Variants in FOXN3 observed in about 807,000 individuals in gnomAD.
The protein encoded by FOXN3 is forkhead box N3.
A neutral mutation model predicts 38.4 loss-of-function variants in FOXN3; 7 were observed. That is an observed-to-expected ratio of 0.18 (90% CI 0.10 to 0.34). FOXN3 has a LOEUF of 0.34. Among genes scored for constraint, FOXN3 ranks in the 10% least tolerant of loss-of-function variants. FOXN3 has a pLI of 1.00. For missense variants in FOXN3, 456 were observed against 613.4 expected, an observed-to-expected ratio of 0.74 and a Z score of 2.71; for synonymous variants, 230 against 242.2, an observed-to-expected ratio of 0.95 and a Z score of 0.47.
chr14:89,515,889 G>A (rs571217271), intron 1 of FOXN3, among the ~76,000 whole-genome samples: 7 of 152,258 alleles, frequency 4.6e-5, no homozygotes, highest in South Asian at 2.1e-4. Flanking sequence ...CCTTGGTGCC[G>A]GAGGAGCATG....
chr14:89,284,592 G>T, intron 3 of FOXN3: 1 of 456,002 alleles, frequency 2.2e-6, no homozygotes, highest in South Asian at 1.5e-5. Flanking sequence ...GCTAGAAAAA[G>T]CAATCAGACT....
At chr14:89,366,839 T>C (rs1187804033) in intron 2 of FOXN3, among the ~76,000 whole-genome samples, 2 of 152,186 alleles carry the variant, frequency 1.3e-5, no homozygotes, top group African/African-American at 2.4e-5. Context: ...ATGCCCTTGG[T>C]TGGATTACAA....
intron 1 of FOXN3, among the ~76,000 whole-genome samples, chr14:89,596,601 T>C (rs1218251668): frequency 6.6e-6 from 1 of 152,070 alleles, no homozygotes; most frequent in Admixed American, 6.6e-5. Flanking sequence ...TTGTGGAAAA[T>C]ATGTGTTATT....
intron 1 of FOXN3, among the ~76,000 whole-genome samples, chr14:89,522,538 A>G (rs1894343891): frequency 6.6e-6 from 1 of 152,192 alleles, no homozygotes. Flanking sequence ...CAATAACATG[A>G]ATGGTGGGGC....
At chr14:89,208,612 A>G (rs959720412) in intron 4 of FOXN3, among the ~76,000 whole-genome samples, 4 of 152,206 alleles carry the variant, frequency 2.6e-5, no homozygotes, top group African/African-American at 9.6e-5. Flanking sequence ...GGCCCCACCT[A>G]GCAATATCTC....
chr14:89,371,514 T>A (rs1432980057), intron 2 of FOXN3, among the ~76,000 whole-genome samples: 1 of 152,058 alleles, frequency 6.6e-6, no homozygotes, highest in Non-Finnish European at 1.5e-5. Flanking sequence ...CTACTAGATA[T>A]TCAAGGCACA....
Position 89,599,556 on chromosome 14 carries a change from ATT to A in FOXN3, c.-15+19470_-15+19471del, listed in dbSNP as rs139501960. On this transcript the variant is annotated intron_variant, in intron 1 of 6. Coordinates refer to the FOXN3 transcript ENST00000345097. Reference sequence around the variant, plus strand: ...TCTTGTAGGTATATCCAATTTGTTTATTTTTTATTGTTTTTTTTAATCATATC... The same window carrying A: ...TCTTGTAGGTATATCCAATTTGTTTATTTTATTGTTTTTTTTAATCATATC... 7.1e-3 allele frequency among the ~76,000 whole-genome samples: 1,049 copies of A among 146,744 alleles called. 16 individuals are homozygous for A. Among genetic ancestry groups the A allele is most frequent in the African/African-American group, 0.027 (1,003 of 36,890 alleles).
chr14:89,357,623 G>A (rs1889285175), intron 2 of FOXN3, among the ~76,000 whole-genome samples: 1 of 151,912 alleles, frequency 6.6e-6, no homozygotes, highest in South Asian at 2.1e-4. Flanking sequence ...AAAAAAAAGA[G>A]AGAGAGAGAG....
chr14:89,216,138 C>T (rs1442883797), intron 4 of FOXN3, among the ~76,000 whole-genome samples: 1 of 152,150 alleles, frequency 6.6e-6, no homozygotes, highest in East Asian at 1.9e-4. Context: ...AGTTGGTTAA[C>T]AGGCACTTAC....
chr14:89,586,006 AG>A (rs1277663689), intron 1 of FOXN3, among the ~76,000 whole-genome samples: 7 of 152,118 alleles, frequency 4.6e-5, no homozygotes, highest in Admixed American at 4.6e-4. Context: ...ATGGGATCGT[AG>A]CCCATCTCAC....
At chr14:89,360,108 C>T (rs1028699253) in intron 2 of FOXN3, among the ~76,000 whole-genome samples, 1 of 152,120 alleles carries the variant, frequency 6.6e-6, no homozygotes, top group Non-Finnish European at 1.5e-5. Context: ...CTATGAGTGC[C>T]CAGTTAATTC....
intron 1 of FOXN3, among the ~76,000 whole-genome samples, chr14:89,491,578 A>T (rs1252850709): frequency 6.6e-6 from 1 of 152,228 alleles, no homozygotes; most frequent in Non-Finnish European, 1.5e-5. Flanking sequence ...GAGAAGCTGG[A>T]AAGAAACTCA....
chr14:89,539,935 G>A (rs1241034014), intron 1 of FOXN3, among the ~76,000 whole-genome samples: 1 of 152,204 alleles, frequency 6.6e-6, no homozygotes, highest in Non-Finnish European at 1.5e-5. Context: ...GAAGTCTGAA[G>A]AACACTCATC....
chr14:89,185,122 T>C (rs1246473268), intron 4 of FOXN3, among the ~76,000 whole-genome samples: 1 of 152,222 alleles, frequency 6.6e-6, no homozygotes, highest in Non-Finnish European at 1.5e-5. Context: ...TGTTCTCAAA[T>C]GAGCTGCAAC....
intron 4 of FOXN3, chr14:89,190,574 A>G: frequency 1.5e-6 from 1 of 680,240 alleles, no homozygotes; most frequent in Non-Finnish European, 2.4e-6. Context: ...CAACTGGATG[A>G]GCTATCCCAA....
At chr14:89,396,711 A>G (rs1891108275) in intron 2 of FOXN3, among the ~76,000 whole-genome samples, 3 of 152,152 alleles carry the variant, frequency 2.0e-5, no homozygotes, top group Admixed American at 2.0e-4. Flanking sequence ...AGATGCCTGT[A>G]ATCCCAGCTA....
intron 4 of FOXN3, among the ~76,000 whole-genome samples, chr14:89,267,341 C>G (rs574529182): frequency 6.6e-6 from 1 of 152,172 alleles, no homozygotes; most frequent in Admixed American, 6.5e-5. Context: ...GGCCAGGATC[C>G]CTGGCGCTGC....
intron 3 of FOXN3, among the ~76,000 whole-genome samples, chr14:89,320,468 C>CA (rs776152679): frequency 7.2e-5 from 11 of 152,230 alleles, no homozygotes; most frequent in Non-Finnish European, 1.5e-4. Context: ...ATCACCCACA[C>CA]ACTGGTCCCT....
In FOXN3 at chr14:89,508,853, C is replaced by T. The variant is rs557561678; in HGVS notation, c.-14-96363G>A. On this transcript the variant is annotated intron_variant, in intron 1 of 6. Transcript: ENST00000345097. Reference sequence around the variant, plus strand: ...GGGACCATGCACTGAGGAACAGGATCTGGAACAGCACCACTGTGCCCTTAT... The same window carrying T: ...GGGACCATGCACTGAGGAACAGGATTTGGAACAGCACCACTGTGCCCTTAT... 6.6e-5 allele frequency among the ~76,000 whole-genome samples: 10 copies of T among 152,310 alleles called. No homozygotes were observed. The South Asian group carries it at 2.1e-3, about 32-fold the overall frequency.
Sources: allele counts gnomAD v4.1 joint callset (sites outside exome capture counted in the v4.1 genomes callset), GRCh38; gene constraint gnomAD v4.1.1; transcripts MANE v1.5; gene names NCBI Gene and HGNC (gene_info 2026-07-23, HGNC 2026-07-21).